Variants in ABHD18 observed in about 807,000 individuals in gnomAD.
ABHD18 encodes the protein cardiolipin-specific deacylase, mitochondrial.
A neutral mutation model predicts 65.9 loss-of-function variants in ABHD18; 55 were observed. That is an observed-to-expected ratio of 0.84 (90% CI 0.67 to 1.05). The LOEUF (loss-of-function observed/expected upper bound fraction) is 1.05. ABHD18 is among the 50% of genes least tolerant of loss of function. The pLI, the probability that ABHD18 is intolerant of heterozygous loss-of-function variation, is 0.00. For missense variants in ABHD18, 533 were observed against 558.5 expected, an observed-to-expected ratio of 0.95 and a Z score of 0.46; for synonymous variants, 181 against 180.2, an observed-to-expected ratio of 1.00 and a Z score of -0.04.
chr4:128,018,835 G>A (rs1206029490), intron 8 of ABHD18, among the ~76,000 whole-genome samples: 1 of 151,922 alleles, frequency 6.6e-6, no homozygotes, highest in African/African-American at 2.4e-5. Context: ...CCAACATGGT[G>A]AAACCCCGTC....
chr4:128,005,094 T>G (rs1200419806), intron 4 of ABHD18, among the ~76,000 whole-genome samples: 2 of 152,098 alleles, frequency 1.3e-5, no homozygotes, highest in Non-Finnish European at 2.9e-5. Context: ...TTGGGCATGG[T>G]GGCACACGCC....
chr4:127,975,504 T>C (rs1747740872), intron 1 of ABHD18, among the ~76,000 whole-genome samples: 1 of 152,224 alleles, frequency 6.6e-6, no homozygotes, highest in African/African-American at 2.4e-5. Flanking sequence ...TATGACTGAA[T>C]ATATTCCTAT....
intron 1 of ABHD18, among the ~76,000 whole-genome samples, chr4:127,982,124 T>C (rs748832587): frequency 3.9e-5 from 6 of 152,208 alleles, no homozygotes; most frequent in Admixed American, 6.5e-5. Context: ...GGATAAGTAT[T>C]TCTTAAAGCC....
At chr4:128,018,906 C>T (rs552301528) in intron 8 of ABHD18, among the ~76,000 whole-genome samples, 1 of 150,790 alleles carries the variant, frequency 6.6e-6, no homozygotes, top group East Asian at 2.0e-4. Context: ...CCCAGCTACT[C>T]AGGAGGCTGA....
At chr4:127,993,272 ATT>A (rs1483757798) in intron 4 of ABHD18, among the ~76,000 whole-genome samples, 7 of 152,182 alleles carry the variant, frequency 4.6e-5, no homozygotes, top group Non-Finnish European at 1.0e-4. Flanking sequence ...AAGGAGGAAA[ATT>A]ATGTGCTTTT....
intron 8 of ABHD18, among the ~76,000 whole-genome samples, chr4:128,019,292 A>G (rs1756069251): frequency 6.6e-6 from 1 of 152,154 alleles, no homozygotes; most frequent in South Asian, 2.1e-4. Flanking sequence ...GATTATCTAT[A>G]GAACAAAGGA....
rs185221344 is a variant in ABHD18, at chr4:128,030,539, G to T, written c.1210G>T (p.Val404Phe). 1.3e-6 allele frequency: 2 copies of T among 1,595,638 alleles called. No individual in the cohort carries two copies. Among genetic ancestry groups the T allele is most frequent in the East Asian group, 2.3e-5 (1 of 44,056 alleles). ...AGTTGATCCAAGCCTCATTATAGTG[G>T]TTCAAGCCAAAGAAGATGCCTATAT... The part of the protein sequence containing the change: ...VPVDPSLIIV[V>F]QAKEDAYIPR... The change falls in exon 12 of 13, where the codon GTT becomes TTT. Residue 404 changes from valine (V) to phenylalanine (F), a missense_variant. Physicochemically the swap from Val to Phe is conservative, Grantham distance 50. Around this residue, in one of 3 missense-constraint regions of ABHD18, gnomAD observed 220 missense variants for 226.8 expected, o/e 0.97. Transcript: ENST00000645843.
chr4:128,019,786 G>A (rs970956052), intron 8 of ABHD18, among the ~76,000 whole-genome samples: 1 of 152,148 alleles, frequency 6.6e-6, no homozygotes, highest in Non-Finnish European at 1.5e-5. Context: ...CTGCTGCCCA[G>A]CATCTACATC....
chr4:128,003,955 A>AC (rs1229161440), intron 4 of ABHD18, among the ~76,000 whole-genome samples: 3 of 150,650 alleles, frequency 2.0e-5, no homozygotes, highest in Non-Finnish European at 2.9e-5. Flanking sequence ...ATTTAAAAAA[A>AC]AAAAAAACAA....
chr4:127,974,390 G>T (rs1410408908), intron 1 of ABHD18, among the ~76,000 whole-genome samples: 3 of 151,272 alleles, frequency 2.0e-5, no homozygotes, highest in African/African-American at 4.9e-5. Context: ...TTTTGTGTGT[G>T]ATAAGGTCTC....
At chr4:128,019,570 G>A (rs1039052681) in intron 8 of ABHD18, among the ~76,000 whole-genome samples, 26 of 152,196 alleles carry the variant, frequency 1.7e-4, no homozygotes, top group African/African-American at 6.0e-4. Context: ...GTAACTTTTT[G>A]AAAAGATAAA....
At chr4:128,023,150 A>G (rs1756792807) in intron 10 of ABHD18, among the ~76,000 whole-genome samples, 1 of 152,120 alleles carries the variant, frequency 6.6e-6, no homozygotes, top group Non-Finnish European at 1.5e-5. Flanking sequence ...AAATCTTTCT[A>G]CTATGAATGA....
At chr4:128,003,948 T>TA (rs70966066) in intron 4 of ABHD18, among the ~76,000 whole-genome samples, 58,784 of 133,998 alleles carry the variant, frequency 0.44, 12,616 homozygotes, top group Admixed American at 0.52. Flanking sequence ...TGTCTCGATT[T>TA]AAAAAAAAAA....
intron 12 of ABHD18, chr4:128,031,060 A>C: frequency 1.0e-6 from 1 of 996,792 alleles, no homozygotes; most frequent in Non-Finnish European, 1.2e-6. Flanking sequence ...ATAATTTAGC[A>C]ATGTTTTTCA....
At chr4:127,980,723 G>A (rs1748873132) in intron 1 of ABHD18, among the ~76,000 whole-genome samples, 1 of 151,450 alleles carries the variant, frequency 6.6e-6, no homozygotes, top group African/African-American at 2.4e-5. Flanking sequence ...TACTCAGGAG[G>A]CTGAGACAGG....
intron 12 of ABHD18, 165 bp downstream of exon 12, chr4:128,030,837 A>G: frequency 7.3e-7 from 1 of 1,369,834 alleles, no homozygotes; most frequent in Non-Finnish European, 9.3e-7. Context: ...CCTCTTTCCT[A>G]GAATTTGATC....
intron 4 of ABHD18, among the ~76,000 whole-genome samples, chr4:128,000,359 A>T (rs180989166): frequency 1.3e-5 from 2 of 152,276 alleles, no homozygotes; most frequent in Admixed American, 6.5e-5. Flanking sequence ...CATCTATCCT[A>T]ACACCATTTA....
At position 128,039,530 on chromosome 4, in the gene ABHD18, G is replaced by T. The variant is rs541572644; in HGVS notation, c.*3717G>T. 5.9e-5 allele frequency: 9 copies of T among 152,118 alleles called. No individual in the cohort carries two copies. The East Asian group carries it at 1.7e-3, about 29-fold the overall frequency. 9.4% of individuals were successfully genotyped at this position (152,118 alleles called of 1,614,324 possible). On this transcript the variant is annotated 3_prime_UTR_variant, in exon 13 of 13. Coordinates refer to ENST00000645843, the MANE Select transcript of ABHD18 (RefSeq NM_001358451.3). ...AAAAAGGTTCTGAATTTCATGATTTGCTAATGTAATTACTATTAAGTCATT... is the reference window on the plus strand; with the variant it reads ...AAAAAGGTTCTGAATTTCATGATTTTCTAATGTAATTACTATTAAGTCATT...
At chr4:128,001,803 T>C in intron 4 of ABHD18, 1 of 1,528,448 alleles carries the variant, frequency 6.5e-7, no homozygotes, top group Non-Finnish European at 8.8e-7. Flanking sequence ...TTGTGGTCTT[T>C]TGTATATCCT....
Sources: gnomAD v4.1 joint callset for allele counts (sites outside exome capture counted in the v4.1 genomes callset) on GRCh38, gnomAD v4.1.1 for gene constraint, gnomAD v4.1.1 regional missense constraint, MANE v1.5 for transcripts, NCBI Gene and HGNC (gene_info 2026-07-23, HGNC 2026-07-21) for gene names.